Variants in SCCPDH observed in about 807,000 individuals in gnomAD.
The protein encoded by SCCPDH is saccharopine dehydrogenase-like oxidoreductase.
SCCPDH carries 34 observed loss-of-function variants against 51.5 expected under a neutral mutation model. The observed-to-expected ratio is 0.66, with a 90% CI of 0.50 to 0.88. The LOEUF is 0.88. Ranked by LOEUF, SCCPDH falls within the 40% of genes least tolerant of loss-of-function variation. The pLI is 0.00. For missense variants in SCCPDH, 464 were observed against 527.1 expected, an observed-to-expected ratio of 0.88 and a Z score of 1.17; for synonymous variants, 187 against 191.3, an observed-to-expected ratio of 0.98 and a Z score of 0.19.
rs937463885 is a variant in SCCPDH, at chr1:246,755,603, T to G, written c.565-2623T>G. ...TGGAATTAGGCACACATTGTGCCACTGTTTCCGTGGGCACACGTTACCTTT... is the reference window on the plus strand; with the variant it reads ...TGGAATTAGGCACACATTGTGCCACGGTTTCCGTGGGCACACGTTACCTTT... On this transcript the variant is annotated intron_variant, in intron 5 of 11. Transcript: ENST00000366510. 1.6e-4 allele frequency: 25 copies of G among 152,538 alleles called. 1 individual carries two copies. The highest frequency in any genetic ancestry group is 5.5e-4 in the African/African-American group (23 of 41,484). The allele number at this position is 152,538 out of a possible 1,614,324, so 9.4% of individuals were successfully genotyped here.
At chr1:246,757,778 T>C (rs1273840660) in intron 5 of SCCPDH, among the ~76,000 whole-genome samples, 4 of 152,080 alleles carry the variant, frequency 2.6e-5, no homozygotes, top group African/African-American at 9.7e-5. Context: ...AGATGGACAG[T>C]ACACAGTGTA....
At chr1:246,760,141 A>G in intron 8 of SCCPDH, 30 bp from the exon 9 acceptor site, 1 of 1,597,714 alleles carries the variant, frequency 6.3e-7, no homozygotes, top group Non-Finnish European at 8.5e-7. Flanking sequence ...TTTTAAAAAA[A>G]TATCACTGAC....
intron 5 of SCCPDH, among the ~76,000 whole-genome samples, chr1:246,749,578 T>C (rs1668820818): frequency 6.6e-6 from 1 of 152,178 alleles, no homozygotes; most frequent in South Asian, 2.1e-4. Flanking sequence ...ATTACATTGG[T>C]TCAGCTGACC....
chr1:246,760,163 C>A lies in SCCPDH; in HGVS notation c.934-8C>A. ...AAAATATCACTGACGGTTTTTTTTTCCCTTTAGTTCCCATGGTTCTTCTCC... is the reference window on the plus strand; with the variant it reads ...AAAATATCACTGACGGTTTTTTTTTACCTTTAGTTCCCATGGTTCTTCTCC... On this transcript the variant is annotated splice_region_variant and splice_polypyrimidine_tract_variant and intron_variant, in intron 8 of 11. Transcript: ENST00000366510. The A allele has an allele frequency of 6.3e-7, 1 of 1,591,646 alleles. No homozygotes were observed. The highest frequency in any genetic ancestry group is 1.2e-5 in the South Asian group (1 of 85,232).
At chr1:246,759,317 A>G (rs1572306551) in intron 7 of SCCPDH, among the ~76,000 whole-genome samples, 166 bp downstream of exon 7, 1 of 152,326 alleles carries the variant, frequency 6.6e-6, no homozygotes, top group East Asian at 1.9e-4. Flanking sequence ...TTTGTATTTT[A>G]TAACCTTGTC....
chr1:246,751,800 G>T (rs1208559910), intron 5 of SCCPDH, among the ~76,000 whole-genome samples: 1 of 141,566 alleles, frequency 7.1e-6, no homozygotes, highest in Non-Finnish European at 1.5e-5. Context: ...TTGAGATGGA[G>T]TCTCGCTCTG....
At chr1:246,765,953 C>A in intron 10 of SCCPDH, 105 bp from the exon 11 acceptor site, 3 of 722,902 alleles carry the variant, frequency 4.1e-6, no homozygotes, top group Non-Finnish European at 7.1e-6. Flanking sequence ...TGAAAAAAAT[C>A]TGCACACCTA....
intron 5 of SCCPDH, among the ~76,000 whole-genome samples, chr1:246,754,050 G>A (rs568501194): frequency 5.3e-4 from 81 of 151,902 alleles, no homozygotes; most frequent in African/African-American, 1.9e-3. Context: ...TTGGGTCCTG[G>A]TTAGGCCCCA....
chr1:246,744,308 A>C (rs1399265971), intron 5 of SCCPDH, among the ~76,000 whole-genome samples, 183 bp downstream of exon 5: 3 of 151,580 alleles, frequency 2.0e-5, no homozygotes, highest in African/African-American at 4.8e-5. Context: ...TTTTTATTTT[A>C]TTTTATTTTA....
intron 2 of SCCPDH, among the ~76,000 whole-genome samples, chr1:246,727,441 A>C (rs751765383): frequency 6.6e-6 from 1 of 152,236 alleles, no homozygotes; most frequent in Non-Finnish European, 1.5e-5. Flanking sequence ...TGCTTACCAC[A>C]TGTGAAATGC....
intron 10 of SCCPDH, among the ~76,000 whole-genome samples, chr1:246,764,772 G>T (rs997946463): frequency 6.6e-6 from 1 of 152,260 alleles, no homozygotes; most frequent in African/African-American, 2.4e-5. Flanking sequence ...CTTTTCAAGG[G>T]AAGGGAATGG....
At chr1:246,736,656 A>T (rs79128908) in intron 3 of SCCPDH, among the ~76,000 whole-genome samples, 7,984 of 151,478 alleles carry the variant, frequency 0.053, 382 homozygotes, top group East Asian at 0.17. Context: ...AGCCGAGATC[A>T]CTCCACTGCA....
At chr1:246,734,787 T>C (rs371949646) in intron 2 of SCCPDH, among the ~76,000 whole-genome samples, 2 of 152,250 alleles carry the variant, frequency 1.3e-5, no homozygotes, top group South Asian at 4.1e-4. Flanking sequence ...TCTAATCTAC[T>C]TCTTCACAAA....
At position 246,748,917 on chromosome 1, in the gene SCCPDH, G is replaced by A. The variant is rs540708965; in HGVS notation, c.564+4792G>A. 2.0e-5 allele frequency among the ~76,000 whole-genome samples: 3 copies of A among 152,320 alleles called. No homozygotes were observed. The South Asian group carries it at 6.2e-4, about 32-fold the overall frequency. On this transcript the variant is annotated intron_variant, in intron 5 of 11. Coordinates refer to ENST00000366510, the MANE Select transcript of SCCPDH (RefSeq NM_016002.3). ...CACGCACCTGCTCGAGGATGAACAAGGGCAGACTGGTGGGTAAGCTCTGGA... is the reference window on the plus strand; with the variant it reads ...CACGCACCTGCTCGAGGATGAACAAAGGCAGACTGGTGGGTAAGCTCTGGA...
intron 5 of SCCPDH, among the ~76,000 whole-genome samples, chr1:246,750,407 C>T (rs1443575966): frequency 2.0e-5 from 3 of 152,096 alleles, no homozygotes; most frequent in East Asian, 1.9e-4. Flanking sequence ...AGGGGATAAG[C>T]GAACATCTTT....
At chr1:246,728,089 G>A (rs749061693) in intron 2 of SCCPDH, among the ~76,000 whole-genome samples, 3 of 152,152 alleles carry the variant, frequency 2.0e-5, no homozygotes, top group Non-Finnish European at 4.4e-5. Flanking sequence ...AAAGGAGAAC[G>A]GCTTTTGCTG....
chr1:246,751,922 G>A (rs1022839174), intron 5 of SCCPDH, among the ~76,000 whole-genome samples: 5 of 148,356 alleles, frequency 3.4e-5, no homozygotes, highest in South Asian at 2.1e-4. Flanking sequence ...ACAGGCTCCC[G>A]CCACCACGCC....
At chr1:246,744,205 A>G in intron 5 of SCCPDH, 80 bp downstream of exon 5, 5 of 777,830 alleles carry the variant, frequency 6.4e-6, no homozygotes, top group South Asian at 2.0e-5. Flanking sequence ...TCTTTTAGGT[A>G]TGTATAATTT....
intron 5 of SCCPDH, among the ~76,000 whole-genome samples, chr1:246,752,191 A>G (rs1191708273): frequency 6.6e-6 from 1 of 152,200 alleles, no homozygotes; most frequent in African/African-American, 2.4e-5. Flanking sequence ...AGTTAGGATC[A>G]TACATGTTAG....
Sources: allele counts gnomAD v4.1 joint callset (sites outside exome capture counted in the v4.1 genomes callset), GRCh38; gene constraint gnomAD v4.1.1; transcripts MANE v1.5; gene names NCBI Gene and HGNC (gene_info 2026-07-23, HGNC 2026-07-21).